Variants in GALNT10 observed in about 807,000 individuals in gnomAD.
GALNT10 encodes the protein GalNAc transferase 10.
GALNT10 carries 41 observed loss-of-function variants against 75.0 expected under a neutral mutation model. The observed-to-expected ratio is 0.55, with a 90% CI of 0.43 to 0.71. The LOEUF (loss-of-function observed/expected upper bound fraction) is 0.71, where lower values mean the gene tolerates loss of function less well. GALNT10 is among the 30% of genes least tolerant of loss of function. The pLI is 0.00. For missense variants in GALNT10, 727 were observed against 818.5 expected (o/e 0.89, Z 1.36); for synonymous variants, 302 against 313.0 (o/e 0.96, Z 0.37).
chr5:154,252,692 G>C (rs1753541978), intron 1 of GALNT10, among the ~76,000 whole-genome samples: 1 of 151,604 alleles, frequency 6.6e-6, no homozygotes. Flanking sequence ...ACATTCTTAA[G>C]TTATGTCCTG....
chr5:154,318,658 C>T (rs1327527662), intron 3 of GALNT10, among the ~76,000 whole-genome samples: 1 of 152,260 alleles, frequency 6.6e-6, no homozygotes, highest in East Asian at 1.9e-4. Context: ...AAATCCTCAA[C>T]AGATGTTTTC....
At chr5:154,364,561 G>A (rs1408440838) in intron 4 of GALNT10, among the ~76,000 whole-genome samples, 1 of 152,116 alleles carries the variant, frequency 6.6e-6, no homozygotes, top group Non-Finnish European at 1.5e-5. Flanking sequence ...GGAAAGTTCC[G>A]ACATATGTTC....
intron 1 of GALNT10, among the ~76,000 whole-genome samples, chr5:154,287,305 T>G (rs1170038028): frequency 6.6e-6 from 1 of 152,174 alleles, no homozygotes; most frequent in Non-Finnish European, 1.5e-5. Context: ...CACTTTTGCA[T>G]CCTGCTCACT....
rs1368079704 is a variant in GALNT10 at position 154,409,232 on chromosome 5, G to C, written c.1165-309G>C. On this transcript the variant is annotated intron_variant, in intron 8 of 11. Coordinates refer to ENST00000297107, the MANE Select transcript of GALNT10 (RefSeq NM_198321.4). This position sits in a 1 kb window ranked among gnomAD's most constrained non-coding sequence, Gnocchi z 4.5. Reference sequence around the variant, plus strand: ...GTCCATGCCTTTCCTCCTGCCACATGAGCTGACAGGGAGACAGGGTGGCTC... The same window carrying C: ...GTCCATGCCTTTCCTCCTGCCACATCAGCTGACAGGGAGACAGGGTGGCTC... 6.6e-6 allele frequency among the ~76,000 whole-genome samples: 1 copy of C among 152,164 alleles called. No individual in the cohort carries two copies.
At chr5:154,276,363 A>G (rs188118029) in intron 1 of GALNT10, among the ~76,000 whole-genome samples, 52 of 152,310 alleles carry the variant, frequency 3.4e-4, no homozygotes, top group Non-Finnish European at 6.0e-4. Flanking sequence ...AAAACCAGCA[A>G]TGCCATATTT....
intron 2 of GALNT10, among the ~76,000 whole-genome samples, chr5:154,295,359 CTCAGATCAACCTT>C (rs1754257299): frequency 1.3e-5 from 2 of 152,110 alleles, no homozygotes; most frequent in Non-Finnish European, 2.9e-5. Flanking sequence ...TCTGTGAAAC[CTCAGATCAACCTT>C]TATGGCCCAT....
chr5:154,191,428 T>TCC (rs1488717121), intron 1 of GALNT10, among the ~76,000 whole-genome samples: 13 of 29,866 alleles, frequency 4.4e-4, no homozygotes, highest in African/African-American at 1.2e-3. Context: ...TCTGCTTCCC[T>TCC]CCTCCCACCC....
intron 7 of GALNT10, among the ~76,000 whole-genome samples, chr5:154,403,373 G>A (rs2113210937): frequency 6.6e-6 from 1 of 152,148 alleles, no homozygotes; most frequent in East Asian, 1.9e-4. Context: ...GGCAAACTCA[G>A]GAGCTCTCTG....
intron 1 of GALNT10, among the ~76,000 whole-genome samples, chr5:154,267,113 C>G (rs933526364): frequency 5.9e-5 from 9 of 152,078 alleles, no homozygotes; most frequent in African/African-American, 2.2e-4. Context: ...ATGACCCAAA[C>G]TATTTAGAGA....
At chr5:154,200,265 G>A (rs773553040) in intron 1 of GALNT10, among the ~76,000 whole-genome samples, 24 of 152,200 alleles carry the variant, frequency 1.6e-4, no homozygotes, top group Non-Finnish European at 2.8e-4. Flanking sequence ...TGCTGCACTC[G>A]GGCAGCCTCT....
rs200301599 is a variant in GALNT10 at position 154,329,736 on chromosome 5, G to A, written c.566G>A (p.Arg189Gln). 2.4e-4 allele frequency: 384 copies of A among 1,612,058 alleles called. 1 individual carries two copies. The highest frequency in any genetic ancestry group is 1.1e-4 in the African/African-American group (8 of 74,936). Reference protein sequence around the residue: ...EIVLVDDFSDREHLKKPLEDY... With the variant: ...EIVLVDDFSDQEHLKKPLEDY... ...GTACTGGTCGACGACTTCAGTGATC[G>A]AGGTAGGATCCGTCCCACCCAGCCT... Residue 189 changes from arginine (R) to glutamine (Q), a missense_variant and splice_region_variant, in exon 4 of 12, where the codon CGA becomes CAA. By Grantham distance (43) the Arg-to-Gln change is conservative. Transcript: ENST00000297107.
In GALNT10 at chr5:154,409,471, C is replaced by G. The variant is rs1756348967; in HGVS notation, c.1165-70C>G. 2 of 995,224 alleles carry G rather than the reference C, an allele frequency of 2.0e-6. No individual in the cohort carries two copies. Among genetic ancestry groups the G allele is most frequent in the South Asian group, 2.5e-5 (2 of 78,844 alleles). The allele number at this position is 995,224 out of a possible 1,614,324, so 61.6% of individuals were successfully genotyped here. On this transcript the variant is annotated intron_variant, in intron 8 of 11. Transcript: ENST00000297107. This position sits in a 1 kb window ranked among gnomAD's most constrained non-coding sequence, Gnocchi z 4.5. ...AGGGTTGACCTCGACCTGCCAGGACCCTTTTCACCCCACTGCCTGGCTTTG... is the reference window on the plus strand; with the variant it reads ...AGGGTTGACCTCGACCTGCCAGGACGCTTTTCACCCCACTGCCTGGCTTTG...
intron 1 of GALNT10, among the ~76,000 whole-genome samples, chr5:154,228,187 C>T (rs1432262951): frequency 1.3e-5 from 2 of 152,184 alleles, no homozygotes; most frequent in African/African-American, 2.4e-5. Flanking sequence ...CCAATTAAAC[C>T]TCTTCTCTTT....
chr5:154,238,545 G>C (rs1753283322), intron 1 of GALNT10, among the ~76,000 whole-genome samples: 1 of 152,070 alleles, frequency 6.6e-6, no homozygotes, highest in South Asian at 2.1e-4. Flanking sequence ...GCTTTACCCT[G>C]GTCATTATTA....
At chr5:154,347,693 T>C (rs896812231) in intron 4 of GALNT10, among the ~76,000 whole-genome samples, 1 of 152,228 alleles carries the variant, frequency 6.6e-6, no homozygotes, top group African/African-American at 2.4e-5. Context: ...GCCTTATGTT[T>C]TCTTCATTTA....
intron 9 of GALNT10, among the ~76,000 whole-genome samples, chr5:154,410,765 T>C (rs1756382953): frequency 1.3e-5 from 2 of 152,212 alleles, no homozygotes; most frequent in African/African-American, 4.8e-5. Flanking sequence ...CCCTATTTAT[T>C]CAGTGTCTTC....
chr5:154,390,469 C>T (rs1030814653), intron 7 of GALNT10, among the ~76,000 whole-genome samples: 2 of 152,222 alleles, frequency 1.3e-5, no homozygotes, highest in East Asian at 1.9e-4. Context: ...TAAAATACTA[C>T]GTTGGAGGAG....
chr5:154,306,289 C>T (rs1754431801), intron 3 of GALNT10, among the ~76,000 whole-genome samples: 2 of 152,166 alleles, frequency 1.3e-5, no homozygotes, highest in South Asian at 4.2e-4. Flanking sequence ...GAAAACAAGT[C>T]CTCATAAATT....
At chr5:154,297,878 C>T (rs546420705) in intron 2 of GALNT10, 63 bp from the exon 3 acceptor site, 4 of 1,397,032 alleles carry the variant, frequency 2.9e-6, no homozygotes, top group Non-Finnish European at 4.0e-6. Flanking sequence ...CATCCTTTTT[C>T]CCCACTCCAT....
Sources: gnomAD v4.1 joint callset for allele counts (sites outside exome capture counted in the v4.1 genomes callset) on GRCh38, gnomAD v4.1.1 for gene constraint, Gnocchi (gnomAD v3.1) non-coding constraint, MANE v1.5 for transcripts, NCBI Gene and HGNC (gene_info 2026-07-23, HGNC 2026-07-21) for gene names.